CNKSR3: variants seen among roughly 807,000 people sequenced by gnomAD.
CNKSR3 encodes CNKSR family member 3.
Under a neutral mutation model 67.7 loss-of-function variants are expected in CNKSR3, and 36 were observed. That is an observed-to-expected ratio of 0.53 (90% CI 0.41 to 0.70). CNKSR3 has a LOEUF of 0.70. Among genes scored for constraint, CNKSR3 ranks in the 30% least tolerant of loss-of-function variants. The probability of loss-of-function intolerance (pLI) is 0.00; values close to 1 mark genes in which losing one functional copy is unlikely to be tolerated. For synonymous variants in CNKSR3, 281 were observed against 271.4 expected, an observed-to-expected ratio of 1.04 and a Z score of -0.35; for missense variants, 630 against 695.2, an observed-to-expected ratio of 0.91 and a Z score of 1.05.
intron 1 of CNKSR3, among the ~76,000 whole-genome samples, chr6:154,486,165 C>T (rs569723889): frequency 2.0e-5 from 3 of 152,286 alleles, no homozygotes; most frequent in Admixed American, 6.5e-5. Flanking sequence ...ACGTCAATAT[C>T]GCCAGCCCTC....
At chr6:154,422,086 G>T (rs377476691) in intron 9 of CNKSR3, among the ~76,000 whole-genome samples, 4 of 151,068 alleles carry the variant, frequency 2.6e-5, no homozygotes, top group Admixed American at 6.6e-5. Context: ...TCCGCCTCCC[G>T]GGTTCACACC....
chr6:154,502,364 T>TA (rs1303214756), intron 1 of CNKSR3, among the ~76,000 whole-genome samples: 1 of 151,344 alleles, frequency 6.6e-6, no homozygotes, highest in African/African-American at 2.4e-5. Context: ...GCTAATTTTT[T>TA]TTTTTTTTTT....
At chr6:154,475,068 A>T (rs1399863436) in intron 1 of CNKSR3, among the ~76,000 whole-genome samples, 1 of 152,194 alleles carries the variant, frequency 6.6e-6, no homozygotes, top group Non-Finnish European at 1.5e-5. Flanking sequence ...AGTCTGCAAG[A>T]TCACTCCTGA....
intron 1 of CNKSR3, among the ~76,000 whole-genome samples, chr6:154,458,454 G>A (rs937515128): frequency 6.6e-6 from 1 of 152,006 alleles, no homozygotes; most frequent in Non-Finnish European, 1.5e-5. Flanking sequence ...TTCTCTTGAG[G>A]CATAATTTAT....
At chr6:154,489,660 T>C (rs1429671154) in intron 1 of CNKSR3, among the ~76,000 whole-genome samples, 1 of 152,134 alleles carries the variant, frequency 6.6e-6, no homozygotes, top group Non-Finnish European at 1.5e-5. Flanking sequence ...AAATACTGGA[T>C]TATATTGTTT....
Position 154,405,385 on chromosome 6 carries a change from C to T in CNKSR3, c.*969G>A, listed in dbSNP as rs1784766715. ...CCATTCTAACAAAATATCATACATT[C>T]AGTTTAAACAAGAGTTAATATCCAG... On this transcript the variant is annotated 3_prime_UTR_variant, in exon 13 of 13. Transcript: ENST00000607772. 2 of 152,630 alleles carry T rather than the reference C, an allele frequency of 1.3e-5. No homozygotes were observed. Among genetic ancestry groups the T allele is most frequent in the South Asian group, 4.1e-4 (2 of 4,838 alleles). The allele number at this position is 152,630 out of a possible 1,614,324, so 9.5% of individuals were successfully genotyped here.
chr6:154,510,178 C>T lies in CNKSR3; in HGVS notation c.-64G>A. 4.4e-6 allele frequency: 7 copies of T among 1,596,706 alleles called. No individual in the cohort carries two copies. The highest frequency in any genetic ancestry group is 1.1e-5 in the South Asian group (1 of 90,664). Reference sequence around the variant, plus strand: ...AGATAAAGTGCTGCTGCCTGCGCTCCGGTGCCCCTTCCCGGGAGGGCGCGC... The same window carrying T: ...AGATAAAGTGCTGCTGCCTGCGCTCTGGTGCCCCTTCCCGGGAGGGCGCGC... On this transcript the variant is annotated 5_prime_UTR_variant, in exon 1 of 13. Transcript: ENST00000607772.
chr6:154,423,119 T>TGATACGGCG, intron 7 of CNKSR3, 136 bp from the exon 8 acceptor site: 1 of 613,604 alleles, frequency 1.6e-6, no homozygotes, highest in Non-Finnish European at 2.9e-6. Flanking sequence ...ATGCACTTTA[T>TGATACGGCG]TCCCCTGAGA....
In CNKSR3 at chr6:154,510,214, T is replaced by C; in HGVS notation, c.-100A>G. On this transcript the variant is annotated 5_prime_UTR_variant, in exon 1 of 13. Transcript: ENST00000607772. Reference sequence around the variant, plus strand: ...CCCGGGAGGGCGCGCCCGCGGCTGCTCCCCTGCGCCCGAGCGACTCCGTCA... The same window carrying C: ...CCCGGGAGGGCGCGCCCGCGGCTGCCCCCCTGCGCCCGAGCGACTCCGTCA... 7.1e-7 allele frequency: 1 copy of C among 1,405,668 alleles called. No homozygotes were observed. Among genetic ancestry groups the C allele is most frequent in the Non-Finnish European group, 1.0e-6 (1 of 1,001,068 alleles). The allele number at this position is 1,405,668 out of a possible 1,614,324, so 87.1% of individuals were successfully genotyped here. A position where few individuals can be genotyped will look rare whatever the true frequency, so the allele number is the denominator to read the frequency against.
rs1784585231 is a variant in CNKSR3, at chr6:154,389,627, G to C, written c.*16727C>G. The C allele has an allele frequency of 6.6e-6, 1 of 152,202 alleles. No homozygotes were observed. Among genetic ancestry groups the C allele is most frequent in the African/African-American group, 2.4e-5 (1 of 41,514 alleles). The allele number at this position is 152,202 out of a possible 1,614,324, so 9.4% of individuals were successfully genotyped here. A position where few individuals can be genotyped will look rare whatever the true frequency, so the allele number is the denominator to read the frequency against. The stretch of plus-strand genomic sequence containing the variant: ...AATTGTTTTGTCCCTGTCTTCAGAT[G>C]ACATCGTCTCATATATAGAACGCCC... On this transcript the variant is annotated 3_prime_UTR_variant, in exon 13 of 13. Coordinates refer to ENST00000607772, the MANE Select transcript of CNKSR3 (RefSeq NM_173515.4).
intron 1 of CNKSR3, among the ~76,000 whole-genome samples, chr6:154,501,156 C>G (rs949771663): frequency 6.6e-6 from 1 of 152,130 alleles, no homozygotes; most frequent in African/African-American, 2.4e-5. Context: ...ATAATGTTTA[C>G]ATTACTGAGA....
At position 154,404,213 on chromosome 6, in the gene CNKSR3, T is replaced by G. The variant is rs1482976628; in HGVS notation, c.*2141A>C. ...ACCAGATCTTTTTCTTTTTGTTTTT[T>G]TTTTGAGACAGAGTCTCCTTCTGTC... On this transcript the variant is annotated 3_prime_UTR_variant, in exon 13 of 13. Coordinates refer to ENST00000607772, the MANE Select transcript of CNKSR3 (RefSeq NM_173515.4). 6.5e-6 allele frequency: 1 copy of G among 152,682 alleles called. No homozygotes were observed. The highest frequency in any genetic ancestry group is 2.4e-5 in the African/African-American group (1 of 41,472). The allele number at this position is 152,682 out of a possible 1,614,324, so 9.5% of individuals were successfully genotyped here. A position where few individuals can be genotyped will look rare whatever the true frequency, so the allele number is the denominator to read the frequency against.
Position 154,406,664 on chromosome 6 carries a change from C to A in CNKSR3, c.1370-12G>T, listed in dbSNP as rs752339722. 5.6e-6 allele frequency: 9 copies of A among 1,605,006 alleles called. No individual in the cohort carries two copies. In the South Asian group the frequency reaches 7.8e-5, roughly 14 times the overall value. ...AAGGGCATCCTCCCCTGTTTCCAGA[C>A]AAAGTCCATTAAGTCACAATCCCAG... On this transcript the variant is annotated splice_polypyrimidine_tract_variant and intron_variant, in intron 12 of 12. Coordinates refer to ENST00000607772, the MANE Select transcript of CNKSR3 (RefSeq NM_173515.4).
Position 154,406,499 on chromosome 6 carries a change from T to G in CNKSR3, c.1523A>C (p.Asn508Thr), listed in dbSNP as rs1387102277. Residue 508 changes from asparagine to threonine, a missense_variant, in exon 13 of 13, where the codon AAC becomes ACC. By Grantham distance (65) the Asn-to-Thr change is moderately conservative. Transcript: ENST00000607772. ...CGTGGCGCTGCTGTGGAGATCTGAG[T>G]TGATGTAGCACCTGCTTCCTCGGAT... ...DYIRGSRCYINSDLHSSATIP... is the reference protein window; with the variant it reads ...DYIRGSRCYITSDLHSSATIP... 3.1e-6 allele frequency: 5 copies of G among 1,614,134 alleles called. No individual in the cohort carries two copies. In the Admixed American group the frequency reaches 6.7e-5, roughly 22 times the overall value.
At chr6:154,502,184 C>T (rs1333452878) in intron 1 of CNKSR3, among the ~76,000 whole-genome samples, 1 of 148,866 alleles carries the variant, frequency 6.7e-6, no homozygotes, top group African/African-American at 2.5e-5. Flanking sequence ...AGGGCTTTCC[C>T]TATATTTCTT....
chr6:154,503,364 A>G (rs1023856761), intron 1 of CNKSR3, among the ~76,000 whole-genome samples: 5 of 152,130 alleles, frequency 3.3e-5, no homozygotes, highest in Non-Finnish European at 5.9e-5. Flanking sequence ...GGTGGCTCCC[A>G]TCTGTAATTC....
At chr6:154,498,754 T>G (rs969065287) in intron 1 of CNKSR3, among the ~76,000 whole-genome samples, 1 of 152,232 alleles carries the variant, frequency 6.6e-6, no homozygotes, top group Non-Finnish European at 1.5e-5. Flanking sequence ...TCTACACTGA[T>G]TCAACGTTCA....
Position 154,428,196 on chromosome 6 carries a change from A to C in CNKSR3, c.670-9T>G. On this transcript the variant is annotated splice_polypyrimidine_tract_variant and intron_variant, in intron 6 of 12. Coordinates refer to ENST00000607772, the MANE Select transcript of CNKSR3 (RefSeq NM_173515.4). ...GATTTGATGTACATGCCCTGGAGTG[A>C]ATCACAAATAGATTAACTCATTACT... The C allele has an allele frequency of 6.3e-7, 1 of 1,589,004 alleles. No individual in the cohort carries two copies.
intron 1 of CNKSR3, among the ~76,000 whole-genome samples, chr6:154,506,439 T>A (rs1304412615): frequency 2.6e-5 from 4 of 152,242 alleles, no homozygotes; most frequent in Admixed American, 2.6e-4. Context: ...TTCTGGCACC[T>A]GAGATGTAAA....
Sources: gnomAD v4.1 joint callset for allele counts (sites outside exome capture counted in the v4.1 genomes callset) on GRCh38, gnomAD v4.1.1 for gene constraint, MANE v1.5 for transcripts, NCBI Gene and HGNC (gene_info 2026-07-23, HGNC 2026-07-21) for gene names.